The following DRC8 variants were observed in gnomAD, a reference collection of about 807,000 sequenced individuals.
The protein encoded by DRC8 is dynein regulatory complex protein 8.
At chr1:245,119,826 G>A in the DRC8 span, among the ~76,000 whole-genome samples, 21 of 151,936 alleles carry the variant, frequency 1.4e-4, no homozygotes, top group Admixed American at 5.9e-4. Context: ...CCAGCTACTC[G>A]GGAGGCTGAG....
the DRC8 span, among the ~76,000 whole-genome samples, chr1:245,103,138 A>C: frequency 7.0e-6 from 1 of 142,470 alleles, no homozygotes; most frequent in African/African-American, 2.8e-5. Flanking sequence ...TGTTTATTTC[A>C]GTCCTCCACC....
At chr1:245,001,220 T>G in the DRC8 span, among the ~76,000 whole-genome samples, 2 of 152,194 alleles carry the variant, frequency 1.3e-5, no homozygotes, top group Non-Finnish European at 2.9e-5. Context: ...CATTTTAGAA[T>G]AGAAAAATCT....
chr1:244,971,300 G>A, the DRC8 span, among the ~76,000 whole-genome samples: 2 of 152,256 alleles, frequency 1.3e-5, no homozygotes, highest in African/African-American at 4.8e-5. Context: ...CGCCGGCCGG[G>A]CCTCTCCCAG....
chr1:244,970,806 C>T, the DRC8 span: 1 of 361,312 alleles, frequency 2.8e-6, no homozygotes, highest in Non-Finnish European at 5.0e-6. Flanking sequence ...GGAGGCCGGG[C>T]CTTGCATCCT....
chr1:245,059,612 A>G, the DRC8 span, among the ~76,000 whole-genome samples: 1 of 152,236 alleles, frequency 6.6e-6, no homozygotes, highest in African/African-American at 2.4e-5. Context: ...ATATTAGCCA[A>G]CCAACAAAAT....
At chr1:245,111,365 T>C in the DRC8 span, among the ~76,000 whole-genome samples, 1 of 152,198 alleles carries the variant, frequency 6.6e-6, no homozygotes, top group African/African-American at 2.4e-5. Context: ...TGTCTAGTTG[T>C]AAAAGGAAAG....
At chr1:244,996,791 T>G in the DRC8 span, among the ~76,000 whole-genome samples, 305 of 152,270 alleles carry the variant, frequency 2.0e-3, no homozygotes, top group Non-Finnish European at 3.5e-3. Context: ...CAGCAGCCAT[T>G]TAATGTCTAT....
chr1:245,095,810 G>A, the DRC8 span, among the ~76,000 whole-genome samples: 4 of 152,274 alleles, frequency 2.6e-5, no homozygotes, highest in South Asian at 8.3e-4. Flanking sequence ...AATACATTCC[G>A]AAAAGCAGAA....
At chr1:245,078,849 T>G in the DRC8 span, among the ~76,000 whole-genome samples, 1 of 152,204 alleles carries the variant, frequency 6.6e-6, no homozygotes, top group Non-Finnish European at 1.5e-5. Context: ...AGTGAGTCGG[T>G]GGATAAGTTA....
chr1:245,019,514 G>A, the DRC8 span, among the ~76,000 whole-genome samples: 1 of 151,968 alleles, frequency 6.6e-6, no homozygotes, highest in East Asian at 1.9e-4. Context: ...AGCCTCCCAA[G>A]CAGCTAGGAC....
At chr1:245,050,732 A>T in the DRC8 span, among the ~76,000 whole-genome samples, 403 of 152,026 alleles carry the variant, frequency 2.7e-3, 1 homozygote, top group African/African-American at 9.2e-3. Flanking sequence ...TGTACTCTAT[A>T]CTTGTGATCT....
At chr1:245,112,413 T>G in the DRC8 span, among the ~76,000 whole-genome samples, 2 of 152,202 alleles carry the variant, frequency 1.3e-5, no homozygotes, top group African/African-American at 2.4e-5. Flanking sequence ...CTTTACTTAT[T>G]TCATTTAAAG....
chr1:245,108,413 A>G, the DRC8 span, among the ~76,000 whole-genome samples: 104 of 152,232 alleles, frequency 6.8e-4, no homozygotes, highest in South Asian at 2.3e-3. Context: ...GAAAAGACAC[A>G]TTGTTTCCGG....
chr1:245,040,952 T>C, the DRC8 span, among the ~76,000 whole-genome samples: 1 of 152,144 alleles, frequency 6.6e-6, no homozygotes, highest in South Asian at 2.1e-4. Flanking sequence ...TAAATACAAT[T>C]TCAAATAGTA....
At chr1:244,970,745 C>T in the DRC8 span, 1 of 458,566 alleles carries the variant, frequency 2.2e-6, no homozygotes, top group South Asian at 3.4e-5. Context: ...CTCCTCCCGC[C>T]CTCTTCACCC....
the DRC8 span, among the ~76,000 whole-genome samples, chr1:245,067,557 A>G: frequency 6.6e-6 from 1 of 152,234 alleles, no homozygotes; most frequent in African/African-American, 2.4e-5. Context: ...TACTCCAGGC[A>G]TACCACAAGC....
the DRC8 span, among the ~76,000 whole-genome samples, chr1:245,052,153 G>A: frequency 9.2e-5 from 14 of 152,322 alleles, no homozygotes; most frequent in Non-Finnish European, 1.8e-4. Flanking sequence ...GAGTTTGCCA[G>A]GAAGTCAACA....
the DRC8 span, among the ~76,000 whole-genome samples, chr1:245,003,400 T>C: frequency 6.6e-6 from 1 of 152,204 alleles, no homozygotes. Flanking sequence ...ATTATCACCA[T>C]GTGGCAAGTG....
At chr1:245,124,687 G>A in the DRC8 span, 1 of 151,232 alleles carries the variant, frequency 6.6e-6, no homozygotes, top group Non-Finnish European at 1.5e-5. Context: ...TTTAAGACTT[G>A]CTTAAGATGT....
Sources: allele counts gnomAD v4.1 joint callset (sites outside exome capture counted in the v4.1 genomes callset), GRCh38; gene constraint gnomAD v4.1.1; transcripts MANE v1.5; gene names NCBI Gene and HGNC (gene_info 2026-07-23, HGNC 2026-07-21).